The following TMEM98 variants were observed in gnomAD, a reference collection of about 807,000 sequenced individuals.
TMEM98 encodes the protein transmembrane protein 98.
Under a neutral mutation model 25.0 loss-of-function variants are expected in TMEM98, and 18 were observed. The ratio of observed to expected loss-of-function variants is 0.72; its 90% CI spans 0.50 to 1.07. The LOEUF is 1.07. TMEM98 is among the 50% of genes least tolerant of loss of function. The probability of loss-of-function intolerance (pLI) is 0.00; values close to 1 mark genes in which losing one functional copy is unlikely to be tolerated. For synonymous variants in TMEM98, 103 were observed against 112.4 expected (o/e 0.92, Z 0.53); for missense variants, 241 against 289.0 (o/e 0.83, Z 1.20).
At position 32,943,789 on chromosome 17, in the gene TMEM98, A is replaced by G. The variant is rs1010110904; in HGVS notation, c.*2796A>G. ...TTGTGGGCCTGGTTCTGATTAGCCA[A>G]TGTTAACACCCTTCTCTCCACAGCT... is the stretch of plus-strand genomic sequence containing the variant. On this transcript the variant is annotated 3_prime_UTR_variant, in exon 8 of 8. Transcript: ENST00000579849. 3 of 152,150 alleles carry G rather than the reference A, an allele frequency of 2.0e-5. No homozygotes were observed. Among genetic ancestry groups the G allele is most frequent in the Admixed American group, 6.6e-5 (1 of 15,258 alleles). The allele number at this position is 152,150 out of a possible 1,614,324, so 9.4% of individuals were successfully genotyped here.
intron 6 of TMEM98, among the ~76,000 whole-genome samples, chr17:32,939,159 C>T (rs2091513528): frequency 1.3e-5 from 2 of 152,146 alleles, no homozygotes; most frequent in African/African-American, 4.8e-5. Context: ...GTAATCCCAG[C>T]ACTATGGAAG....
At chr17:32,939,714 G>C (rs549003479) in intron 7 of TMEM98, among the ~76,000 whole-genome samples, 178 bp downstream of exon 7, 18 of 152,288 alleles carry the variant, frequency 1.2e-4, no homozygotes, top group Non-Finnish European at 2.2e-4. Flanking sequence ...GGGTGATAGA[G>C]GCCAGTCCTC....
chr17:32,935,466 C>G (rs2091491286), intron 5 of TMEM98, among the ~76,000 whole-genome samples: 1 of 152,100 alleles, frequency 6.6e-6, no homozygotes, highest in African/African-American at 2.4e-5. Flanking sequence ...GAATTGGAAT[C>G]TGTGTCTACC....
chr17:32,938,464 C>G (rs1440940717), intron 6 of TMEM98, among the ~76,000 whole-genome samples: 1 of 152,120 alleles, frequency 6.6e-6, no homozygotes, highest in Non-Finnish European at 1.5e-5. Context: ...AACAATACAT[C>G]TTTATTTTTT....
In TMEM98 at chr17:32,941,210, A is replaced by G. The variant is rs1432025363; in HGVS notation, c.*217A>G. 1 of 476,206 alleles carries G rather than the reference A, an allele frequency of 2.1e-6. No individual in the cohort carries two copies. Among genetic ancestry groups the G allele is most frequent in the Non-Finnish European group, 3.7e-6 (1 of 267,994 alleles). 29.5% of individuals were successfully genotyped at this position (476,206 alleles called of 1,614,324 possible). ...GGCAGTCTAATACTACAGTTAGGGG[A>G]GATGCCATTCACTCTCTGCAAGAGG... On this transcript the variant is annotated 3_prime_UTR_variant, in exon 8 of 8. Coordinates refer to ENST00000579849, the MANE Select transcript of TMEM98 (RefSeq NM_015544.3).
intron 1 of TMEM98, among the ~76,000 whole-genome samples, chr17:32,930,571 T>C (rs530713286): frequency 1.3e-5 from 2 of 152,362 alleles, no homozygotes; most frequent in Admixed American, 1.3e-4. Flanking sequence ...TAGAACTCTT[T>C]CCAGAACCTT....
At chr17:32,932,642 A>G (rs1163199976) in intron 3 of TMEM98, among the ~76,000 whole-genome samples, 1 of 152,080 alleles carries the variant, frequency 6.6e-6, no homozygotes, top group Non-Finnish European at 1.5e-5. Flanking sequence ...CTCATTTTCT[A>G]AAGTACCCTG....
At position 32,933,439 on chromosome 17, in the gene TMEM98, T is replaced by G; in HGVS notation, c.263+134T>G. 1.6e-6 allele frequency: 2 copies of G among 1,263,454 alleles called. No individual in the cohort carries two copies. The highest frequency in any genetic ancestry group is 1.1e-6 in the Non-Finnish European group (1 of 904,862). 78.3% of individuals were successfully genotyped at this position (1,263,454 alleles called of 1,614,324 possible). ...TTGCTGCTCTTTCCTGTGCCTTTAG[T>G]GTGGGGGAAAATCAGAATATGACTT... is the stretch of plus-strand genomic sequence containing the variant. On this transcript the variant is annotated intron_variant, in intron 4 of 7. Coordinates refer to ENST00000579849, the MANE Select transcript of TMEM98 (RefSeq NM_015544.3).
In TMEM98 at chr17:32,928,783, TCA is replaced by T. The variant is rs200751109; in HGVS notation, c.-131+554_-131+555del. The stretch of plus-strand genomic sequence containing the variant: ...ACAAGCACACTAAGAAACATTCAGT[TCA>T]CACACACTCAGAAACACACGCACTC... On this transcript the variant is annotated intron_variant, in intron 1 of 7. Transcript: ENST00000579849. 1.2e-3 allele frequency among the ~76,000 whole-genome samples: 173 copies of T among 140,146 alleles called. 1 individual carries two copies. In the East Asian group the frequency reaches 0.023, roughly 19 times the overall value. 91.9% of individuals were successfully genotyped at this position (140,146 alleles called of 152,430 possible).
chr17:32,936,198 C>T, intron 5 of TMEM98, 134 bp from the exon 6 acceptor site: 1 of 681,854 alleles, frequency 1.5e-6, no homozygotes. Context: ...CATCTCTGTA[C>T]TTTTCACATC....
intron 7 of TMEM98, 137 bp downstream of exon 7, chr17:32,939,673 T>C (rs1335981652): frequency 1.0e-6 from 1 of 998,344 alleles, no homozygotes; most frequent in Admixed American, 2.1e-5. Context: ...GGGCCATGCG[T>C]GCCATTTACT....
rs548624041 is a variant in TMEM98, at chr17:32,931,631, C to T, written c.103C>T (p.Arg35Ter). The T allele has an allele frequency of 8.7e-6, 14 of 1,605,262 alleles. No individual in the cohort carries two copies. The highest frequency in any genetic ancestry group is 4.5e-5 in the South Asian group (4 of 88,726). ...LVCRQRYCRP[R>*]DLLQRYDSKP... is the part of the protein sequence containing the mutation. ...TTGCAGGCAGCGCTACTGCCGGCCG[C>T]GAGACCTGCTGCAGCGCTATGATTC... The change falls in exon 3 of 8, where the codon CGA (arginine) becomes TGA (stop). Residue 35 changes from arginine (R) to a stop codon, truncating the protein, a stop_gained. Coordinates refer to ENST00000579849, the MANE Select transcript of TMEM98 (RefSeq NM_015544.3). LOFTEE classifies it high-confidence loss of function.
chr17:32,928,478 G>A (rs1598196651), intron 1 of TMEM98, among the ~76,000 whole-genome samples: 4 of 151,536 alleles, frequency 2.6e-5, no homozygotes. Flanking sequence ...CAGAGTGGGC[G>A]TCCTGGGTGG....
At chr17:32,934,156 C>A in intron 4 of TMEM98, 135 bp from the exon 5 acceptor site, 1 of 920,070 alleles carries the variant, frequency 1.1e-6, no homozygotes, top group South Asian at 1.4e-5. Context: ...CATGTTGACA[C>A]TGAGGCATTC....
At chr17:32,935,954 G>T (rs2091493748) in intron 5 of TMEM98, among the ~76,000 whole-genome samples, 1 of 152,194 alleles carries the variant, frequency 6.6e-6, no homozygotes, top group Non-Finnish European at 1.5e-5. Context: ...AGGGTGCCTT[G>T]TTGGAGATAT....
rs1485344236 is a variant in TMEM98, at chr17:32,942,996, C to T, written c.*2003C>T. 1.3e-5 allele frequency: 2 copies of T among 152,238 alleles called. No homozygotes were observed. The highest frequency in any genetic ancestry group is 2.9e-5 in the Non-Finnish European group (2 of 68,072). The allele number at this position is 152,238 out of a possible 1,614,324, so 9.4% of individuals were successfully genotyped here. On this transcript the variant is annotated 3_prime_UTR_variant, in exon 8 of 8. Transcript: ENST00000579849. ...CAGAGAAGCAGTTCTGAATTGGTAT[C>T]TCAAATACCATCCACCTGGTGTGGG...
chr17:32,929,273 C>T (rs1423956858), intron 1 of TMEM98, among the ~76,000 whole-genome samples: 1 of 151,536 alleles, frequency 6.6e-6, no homozygotes, highest in Non-Finnish European at 1.5e-5. Context: ...CACACTAACA[C>T]AAACACACAC....
At chr17:32,929,711 C>G (rs1385121118) in intron 1 of TMEM98, among the ~76,000 whole-genome samples, 1 of 152,042 alleles carries the variant, frequency 6.6e-6, no homozygotes, top group Non-Finnish European at 1.5e-5. Context: ...GCTCTGTGAG[C>G]CCTTTGAGAA....
intron 3 of TMEM98, among the ~76,000 whole-genome samples, chr17:32,932,866 G>C (rs1039544101): frequency 1.3e-5 from 2 of 152,166 alleles, no homozygotes; most frequent in Non-Finnish European, 2.9e-5. Context: ...TTGTCCTGAA[G>C]GGATATCCCT....
Sources: gnomAD v4.1 joint callset for allele counts (sites outside exome capture counted in the v4.1 genomes callset) on GRCh38, gnomAD v4.1.1 for gene constraint, MANE v1.5 for transcripts, NCBI Gene and HGNC (gene_info 2026-07-23, HGNC 2026-07-21) for gene names.